HIBCH: variants seen among roughly 807,000 people sequenced by gnomAD.
HIBCH encodes 3-hydroxyisobutyryl-CoA hydrolase, also known as 3-hydroxyisobutyryl-CoA hydrolase, mitochondrial.
HIBCH carries 50 observed loss-of-function variants against 58.2 expected under a neutral mutation model. The observed-to-expected ratio is 0.86, with a 90% CI of 0.68 to 1.09. The LOEUF (loss-of-function observed/expected upper bound fraction) is 1.09. Among genes scored for constraint, HIBCH ranks in the 50% least tolerant of loss-of-function variants. The probability of loss-of-function intolerance (pLI) is 0.00; values close to 1 mark genes in which losing one functional copy is unlikely to be tolerated. For missense variants in HIBCH, 450 were observed against 449.7 expected (o/e 1.00, Z -0.01); for synonymous variants, 151 against 146.9 (o/e 1.03, Z -0.20).
intron 7 of HIBCH, among the ~76,000 whole-genome samples, chr2:190,258,422 G>A (rs1007309487): frequency 2.0e-5 from 3 of 152,158 alleles, no homozygotes; most frequent in Non-Finnish European, 4.4e-5. Context: ...AAAGATACCT[G>A]GAAATGTAGA....
chr2:190,227,978 T>C (rs1685964043), intron 11 of HIBCH, among the ~76,000 whole-genome samples: 4 of 152,190 alleles, frequency 2.6e-5, no homozygotes. Context: ...TCAACCATTG[T>C]GGAAGACAGT....
At chr2:190,290,507 T>C (rs770907996) in intron 4 of HIBCH, 22 bp from the exon 5 acceptor site, 2 of 1,211,202 alleles carry the variant, frequency 1.7e-6, no homozygotes, top group South Asian at 2.9e-5. Flanking sequence ...AGATTACAAA[T>C]AAAAAAAAAA....
rs182507387 is a variant in HIBCH at position 190,197,001 on chromosome 2, T to C, written c.*18-7004A>G. Among the ~76,000 whole-genome samples, 5 of 152,328 alleles carry C rather than the reference T, an allele frequency of 3.3e-5. No homozygotes were observed. The East Asian group carries it at 9.6e-4, about 29-fold the overall frequency. ...GTTTAAGGCATGAGCATATATGGTG[T>C]CTTGTGAAGGCCTGCTTTGTGGTTT... On this transcript the variant is annotated intron_variant, in intron 1 of 1. Coordinates refer to the HIBCH transcript ENST00000399855. This position sits in a 1 kb window ranked among gnomAD's most constrained non-coding sequence, Gnocchi z 4.0.
chr2:190,287,165 G>A (rs1461699381), intron 6 of HIBCH, among the ~76,000 whole-genome samples: 13 of 151,964 alleles, frequency 8.6e-5, no homozygotes, highest in African/African-American at 2.7e-4. Flanking sequence ...GGGTTCAAGC[G>A]ATTATCATGC....
intron 6 of HIBCH, among the ~76,000 whole-genome samples, chr2:190,275,806 G>T (rs1191106095): frequency 6.6e-6 from 1 of 152,202 alleles, no homozygotes; most frequent in African/African-American, 2.4e-5. Context: ...GAAGATGATT[G>T]AGAGTTAATG....
chr2:190,248,357 G>A (rs905903550), intron 9 of HIBCH, among the ~76,000 whole-genome samples: 1 of 151,986 alleles, frequency 6.6e-6, no homozygotes, highest in Admixed American at 6.6e-5. Context: ...CCAATGTATT[G>A]CTTAGGAGTG....
intron 12 of HIBCH, among the ~76,000 whole-genome samples, chr2:190,212,670 C>T (rs1690540099): frequency 6.6e-6 from 1 of 152,184 alleles, no homozygotes. Context: ...GTCACAGAGA[C>T]CATCGCTGAA....
chr2:190,246,915 ACTTTT>A (rs2105935617), intron 9 of HIBCH, among the ~76,000 whole-genome samples: 1 of 152,112 alleles, frequency 6.6e-6, no homozygotes, highest in Admixed American at 6.5e-5. Flanking sequence ...CTTTGGATAT[ACTTTT>A]CTTAATTGGA....
intron 8 of HIBCH, among the ~76,000 whole-genome samples, chr2:190,251,044 C>T (rs946083622): frequency 3.3e-5 from 5 of 152,206 alleles, no homozygotes; most frequent in African/African-American, 1.2e-4. Flanking sequence ...AAGAATGTTA[C>T]AGATATGAGG....
intron 6 of HIBCH, among the ~76,000 whole-genome samples, chr2:190,278,523 A>G (rs1394503030): frequency 6.6e-6 from 1 of 152,192 alleles, no homozygotes; most frequent in African/African-American, 2.4e-5. Context: ...CTTTTTAACA[A>G]GCCCTCCAGG....
chr2:190,227,047 A>G (rs1685925828), intron 11 of HIBCH, among the ~76,000 whole-genome samples: 1 of 152,142 alleles, frequency 6.6e-6, no homozygotes, highest in South Asian at 2.1e-4. Context: ...CAAGCTACCA[A>G]TGACTTTCTT....
chr2:190,196,008 T>C (rs1221064933), intron 1 of HIBCH, among the ~76,000 whole-genome samples: 1 of 144,822 alleles, frequency 6.9e-6, no homozygotes, highest in Non-Finnish European at 1.5e-5. Context: ...GAAAAGACTA[T>C]GTATGTGTGG....
intron 13 of HIBCH, among the ~76,000 whole-genome samples, chr2:190,205,572 T>TA (rs1168229162): frequency 6.6e-6 from 1 of 152,080 alleles, no homozygotes; most frequent in African/African-American, 2.4e-5. Flanking sequence ...ACAAAACAGG[T>TA]AAAACCAGTG....
chr2:190,258,359 G>C (rs1686986934), intron 7 of HIBCH, among the ~76,000 whole-genome samples: 1 of 152,150 alleles, frequency 6.6e-6, no homozygotes, highest in African/African-American at 2.4e-5. Flanking sequence ...TTATAGCAAT[G>C]TGAGAATGGA....
chr2:190,201,618 A>ATT (rs1690246629), downstream of HIBCH: 1 of 167,084 alleles, frequency 6.0e-6, no homozygotes, highest in African/African-American at 2.4e-5. Context: ...AATCAAATAG[A>ATT]GTGAATTCTC....
chr2:190,231,799 T>C (rs982974788), intron 11 of HIBCH, among the ~76,000 whole-genome samples: 1 of 152,032 alleles, frequency 6.6e-6, no homozygotes, highest in Non-Finnish European at 1.5e-5. Context: ...TATGACATTA[T>C]GTATACAAAT....
intron 1 of HIBCH, among the ~76,000 whole-genome samples, chr2:190,193,701 A>G (rs762896543): frequency 1.3e-5 from 2 of 152,108 alleles, no homozygotes; most frequent in Non-Finnish European, 1.5e-5. Context: ...ACACATCTTA[A>G]TATGTGACTT....
chr2:190,244,465 C>T (rs1421771008), intron 11 of HIBCH, among the ~76,000 whole-genome samples: 3 of 152,068 alleles, frequency 2.0e-5, no homozygotes, highest in Admixed American at 6.5e-5. Flanking sequence ...TTAATTAAAC[C>T]TCCTGTTTAG....
At chr2:190,200,167 C>T, downstream of HIBCH, 2 of 1,602,846 alleles carry the variant, frequency 1.2e-6, no homozygotes, top group Non-Finnish European at 8.5e-7. Context: ...GATGACAACA[C>T]TTTGACTGTG....
Sources: gnomAD v4.1 joint callset for allele counts (sites outside exome capture counted in the v4.1 genomes callset) on GRCh38, gnomAD v4.1.1 for gene constraint, Gnocchi (gnomAD v3.1) non-coding constraint, MANE v1.5 for transcripts, NCBI Gene and HGNC (gene_info 2026-07-23, HGNC 2026-07-21) for gene names.